The following CFAP61 variants were observed in gnomAD, a reference collection of about 807,000 sequenced individuals.
CFAP61 encodes the protein cilia- and flagella-associated protein 61.
In CFAP61, 107 loss-of-function variants were observed where a neutral mutation model predicts 135.6. The observed-to-expected ratio is 0.79, with a 90% CI of 0.67 to 0.93. The LOEUF is 0.93. Ranked by LOEUF, CFAP61 falls within the 40% of genes least tolerant of loss-of-function variation. The pLI is 0.00. For synonymous variants in CFAP61, 575 were observed against 578.5 expected (o/e 0.99, Z 0.09); for missense variants, 1,507 against 1,556.2 (o/e 0.97, Z 0.53).
chr20:20,066,255 G>A (rs1479802294), intron 2 of CFAP61, among the ~76,000 whole-genome samples: 1 of 152,212 alleles, frequency 6.6e-6, no homozygotes, highest in African/African-American at 2.4e-5. Context: ...CAACCATTGT[G>A]GAAGACAGTG....
chr20:20,139,492 G>A (rs765846562), intron 8 of CFAP61, among the ~76,000 whole-genome samples: 10 of 152,224 alleles, frequency 6.6e-5, no homozygotes, highest in African/African-American at 1.2e-4. Flanking sequence ...CAATTAAATC[G>A]CGCAGCTTCA....
intron 2 of CFAP61, among the ~76,000 whole-genome samples, chr20:20,065,162 A>T (rs544078263): frequency 5.9e-5 from 9 of 152,330 alleles, no homozygotes; most frequent in African/African-American, 2.2e-4. Context: ...GTAAAAATTA[A>T]TTCTGGGTGA....
chr20:20,096,484 G>A (rs1008217344), intron 7 of CFAP61, among the ~76,000 whole-genome samples: 3 of 152,232 alleles, frequency 2.0e-5, no homozygotes, highest in African/African-American at 7.2e-5. Context: ...AGCCATTAGT[G>A]TAATAGCTCA....
At chr20:20,232,241 A>G (rs995690066) in intron 18 of CFAP61, among the ~76,000 whole-genome samples, 5 of 152,064 alleles carry the variant, frequency 3.3e-5, no homozygotes, top group Non-Finnish European at 4.4e-5. Flanking sequence ...GAGATCTGTA[A>G]AGTGAACTCA....
Position 20,126,494 on chromosome 20 carries a change from G to A in CFAP61, c.860-16363G>A, listed in dbSNP as rs766568764. Among the ~76,000 whole-genome samples the A allele has an allele frequency of 1.1e-3, 163 of 151,756 alleles. 2 individuals are homozygous for A. The highest frequency in any genetic ancestry group is 4.5e-3 in the Admixed American group (68 of 15,256). ...TCTGATGCTTAGTTTCTCTGGATACGAAATCCTTGGCTGATAATTGTTTTG... is the reference window on the plus strand; with the variant it reads ...TCTGATGCTTAGTTTCTCTGGATACAAAATCCTTGGCTGATAATTGTTTTG... On this transcript the variant is annotated intron_variant, in intron 8 of 26. Coordinates refer to ENST00000245957, the MANE Select transcript of CFAP61 (RefSeq NM_015585.4).
intron 16 of CFAP61, among the ~76,000 whole-genome samples, chr20:20,197,828 A>G (rs1226935694): frequency 1.3e-5 from 2 of 152,214 alleles, no homozygotes; most frequent in Non-Finnish European, 2.9e-5. Context: ...TTGTCCCGTA[A>G]GATTCCACTC....
At chr20:20,233,191 C>T (rs999688028) in intron 18 of CFAP61, among the ~76,000 whole-genome samples, 6 of 152,218 alleles carry the variant, frequency 3.9e-5, no homozygotes, top group Non-Finnish European at 2.9e-5. Flanking sequence ...CTAGCGCTGG[C>T]GGCTTAATTA....
chr20:20,167,165 A>G (rs1223756652), intron 12 of CFAP61, among the ~76,000 whole-genome samples: 1 of 152,228 alleles, frequency 6.6e-6, no homozygotes, highest in Non-Finnish European at 1.5e-5. Context: ...CAAGAAAAGT[A>G]TCTATTGCTT....
At chr20:20,248,513 G>A (rs1461237837) in intron 19 of CFAP61, among the ~76,000 whole-genome samples, 1 of 152,182 alleles carries the variant, frequency 6.6e-6, no homozygotes, top group African/African-American at 2.4e-5. Flanking sequence ...AGCCTCTTGT[G>A]GAGGTGCTAA....
At chr20:20,350,578 G>A (rs1275646462) in intron 26 of CFAP61, among the ~76,000 whole-genome samples, 5 of 151,580 alleles carry the variant, frequency 3.3e-5, no homozygotes, top group African/African-American at 7.3e-5. Flanking sequence ...GCAATGAGCC[G>A]AGATCACACC....
At chr20:20,073,984 TTAA>T (rs1199925553) in intron 3 of CFAP61, 3 of 322,638 alleles carry the variant, frequency 9.3e-6, no homozygotes, top group South Asian at 4.2e-5. Flanking sequence ...GACTACTGAG[TTAA>T]TAATCGATTT....
intron 8 of CFAP61, among the ~76,000 whole-genome samples, chr20:20,119,962 G>A (rs2049483659): frequency 6.6e-6 from 1 of 152,182 alleles, no homozygotes; most frequent in Admixed American, 6.5e-5. Flanking sequence ...TGCAAAGGCT[G>A]CATAGTATTC....
At chr20:20,251,309 TCA>T (rs765891610) in intron 19 of CFAP61, among the ~76,000 whole-genome samples, 2 of 149,692 alleles carry the variant, frequency 1.3e-5, no homozygotes, top group Non-Finnish European at 1.5e-5. Context: ...ATGAGTGATT[TCA>T]CACACACACA....
At chr20:20,293,378 G>A (rs1054656663) in intron 24 of CFAP61, among the ~76,000 whole-genome samples, 4 of 152,118 alleles carry the variant, frequency 2.6e-5, no homozygotes, top group African/African-American at 4.8e-5. Context: ...TGCCAGGTGG[G>A]CCTCCTTTTT....
At chr20:20,078,636 T>C (rs1362207414) in intron 6 of CFAP61, among the ~76,000 whole-genome samples, 3 of 151,578 alleles carry the variant, frequency 2.0e-5, no homozygotes, top group Admixed American at 1.3e-4. Flanking sequence ...GAGGGGGAGA[T>C]TGCACAGTGA....
chr20:20,104,646 T>C (rs752158006), intron 8 of CFAP61, among the ~76,000 whole-genome samples: 1 of 152,220 alleles, frequency 6.6e-6, no homozygotes, highest in Non-Finnish European at 1.5e-5. Flanking sequence ...GTCAGTTCAT[T>C]CTGTAGTTAA....
intron 26 of CFAP61, 53 bp from the exon 27 acceptor site, chr20:20,360,157 A>G (rs927497208): frequency 3.4e-5 from 46 of 1,349,126 alleles, no homozygotes; most frequent in Non-Finnish European, 4.7e-5. Context: ...TGCCGTTACA[A>G]CTGTGCAGGG....
At chr20:20,331,343 G>T (rs2057984134) in intron 25 of CFAP61, among the ~76,000 whole-genome samples, 1 of 150,482 alleles carries the variant, frequency 6.6e-6, no homozygotes, top group Admixed American at 6.6e-5. Context: ...TTGATTTTTG[G>T]AAACCACAAC....
chr20:20,260,859 G>C (rs2052123634), intron 20 of CFAP61, among the ~76,000 whole-genome samples: 1 of 152,104 alleles, frequency 6.6e-6, no homozygotes, highest in African/African-American at 2.4e-5. Flanking sequence ...TTTCTTTTAT[G>C]CTACAATGCT....
Sources: allele counts gnomAD v4.1 joint callset (sites outside exome capture counted in the v4.1 genomes callset), GRCh38; gene constraint gnomAD v4.1.1; transcripts MANE v1.5; gene names NCBI Gene and HGNC (gene_info 2026-07-23, HGNC 2026-07-21).